The following FHIT variants were observed in gnomAD, a reference collection of about 807,000 sequenced individuals.
FHIT encodes the protein bis(5'-adenosyl)-triphosphatase.
In FHIT, 19 loss-of-function variants were observed where a neutral mutation model predicts 17.9. The observed-to-expected ratio is 1.06, with a 90% CI of 0.74 to 1.56. The LOEUF is 1.56. Among genes scored for constraint, FHIT ranks in the 40% most tolerant of loss-of-function variants. The probability of loss-of-function intolerance (pLI) is 0.00; values close to 1 mark genes in which losing one functional copy is unlikely to be tolerated. For synonymous variants in FHIT, 81 were observed against 69.7 expected, an observed-to-expected ratio of 1.16 and a Z score of -0.81; for missense variants, 248 against 189.2, an observed-to-expected ratio of 1.31 and a Z score of -1.82.
At chr3:60,914,492 T>A (rs1381447453) in intron 3 of FHIT, among the ~76,000 whole-genome samples, 1 of 148,936 alleles carries the variant, frequency 6.7e-6, no homozygotes, top group Non-Finnish European at 1.5e-5. Flanking sequence ...AAGACTTGCA[T>A]AGGAAAATGA....
At chr3:60,436,310 A>G (rs2107312883) in intron 5 of FHIT, among the ~76,000 whole-genome samples, 1 of 152,230 alleles carries the variant, frequency 6.6e-6, no homozygotes, top group African/African-American at 2.4e-5. Flanking sequence ...TCGGCCTCCC[A>G]AAGCACTAGA....
At chr3:60,504,065 A>C (rs1461666960) in intron 5 of FHIT, among the ~76,000 whole-genome samples, 3 of 152,172 alleles carry the variant, frequency 2.0e-5, no homozygotes. Context: ...AATGACCAGA[A>C]AAAAAGAATT....
At chr3:60,001,480 A>T (rs1401700979) in intron 7 of FHIT, among the ~76,000 whole-genome samples, 1 of 152,184 alleles carries the variant, frequency 6.6e-6, no homozygotes, top group Non-Finnish European at 1.5e-5. Context: ...GAAAAACATG[A>T]GTAGGCAGGA....
intron 7 of FHIT, among the ~76,000 whole-genome samples, chr3:59,946,952 A>G (rs1025392035): frequency 1.3e-5 from 2 of 152,178 alleles, no homozygotes; most frequent in Non-Finnish European, 2.9e-5. Flanking sequence ...ATGTTCATCA[A>G]AGATACTGGC....
At chr3:60,271,243 A>T (rs1706854116) in intron 5 of FHIT, among the ~76,000 whole-genome samples, 2 of 152,000 alleles carry the variant, frequency 1.3e-5, no homozygotes, top group African/African-American at 4.8e-5. Flanking sequence ...CTCCAAAAAA[A>T]ACTACAAAAA....
chr3:61,125,675 C>T (rs1316636535), intron 2 of FHIT, among the ~76,000 whole-genome samples: 1 of 152,110 alleles, frequency 6.6e-6, no homozygotes, highest in South Asian at 2.1e-4. Context: ...AACAATGAAA[C>T]AATTAGGTTT....
chr3:60,377,517 C>A (rs1455854495), intron 5 of FHIT, among the ~76,000 whole-genome samples: 1 of 136,810 alleles, frequency 7.3e-6, no homozygotes, highest in Non-Finnish European at 1.5e-5. Context: ...CTCTGTCGCC[C>A]AGGCCGGACT....
intron 5 of FHIT, among the ~76,000 whole-genome samples, chr3:60,442,454 G>A (rs4679538): frequency 0.17 from 26,110 of 152,082 alleles, 2,463 homozygotes; most frequent in Admixed American, 0.28. Context: ...TTTGTATAAG[G>A]TGTAAGGAAG....
intron 4 of FHIT, among the ~76,000 whole-genome samples, chr3:60,706,616 C>T (rs558560657): frequency 1.2e-4 from 18 of 152,050 alleles, no homozygotes; most frequent in African/African-American, 4.1e-4. Flanking sequence ...ACAGAGAAGG[C>T]GAAACACCAT....
intron 4 of FHIT, among the ~76,000 whole-genome samples, chr3:60,594,425 G>A (rs782093558): frequency 1.3e-4 from 20 of 152,036 alleles, no homozygotes; most frequent in Admixed American, 2.6e-4. Flanking sequence ...TGCAGCCATC[G>A]GCCCCAAATG....
intron 7 of FHIT, among the ~76,000 whole-genome samples, chr3:59,945,302 G>C (rs778578799): frequency 3.9e-5 from 6 of 152,118 alleles, no homozygotes; most frequent in Non-Finnish European, 4.4e-5. Flanking sequence ...TCATCTGCTT[G>C]TTGGCCTCAT....
At chr3:60,365,807 T>G (rs549885255) in intron 5 of FHIT, among the ~76,000 whole-genome samples, 16 of 152,178 alleles carry the variant, frequency 1.1e-4, no homozygotes, top group Non-Finnish European at 1.9e-4. Context: ...TTCAGTAACT[T>G]TAGTTAGCTC....
chr3:60,462,429 G>A (rs1050578751), intron 5 of FHIT, among the ~76,000 whole-genome samples: 8 of 152,116 alleles, frequency 5.3e-5, no homozygotes, highest in African/African-American at 1.7e-4. Context: ...AACACTGTAA[G>A]AACCCAAATG....
intron 5 of FHIT, among the ~76,000 whole-genome samples, chr3:60,317,551 T>C (rs561379653): frequency 2.0e-5 from 3 of 148,626 alleles, no homozygotes; most frequent in Non-Finnish European, 4.5e-5. Context: ...ATTGGAAATA[T>C]ATATACATAT....
intron 5 of FHIT, among the ~76,000 whole-genome samples, chr3:60,211,724 T>C (rs1051333768): frequency 6.6e-6 from 1 of 152,100 alleles, no homozygotes; most frequent in Non-Finnish European, 1.5e-5. Flanking sequence ...TGAGGTTTTG[T>C]TGGGGAAGGA....
intron 8 of FHIT, among the ~76,000 whole-genome samples, chr3:59,808,925 T>A (rs983680491): frequency 6.6e-6 from 1 of 152,002 alleles, no homozygotes; most frequent in African/African-American, 2.4e-5. Context: ...AGGAGAGGCA[T>A]TGTGCTTGAA....
intron 4 of FHIT, among the ~76,000 whole-genome samples, chr3:60,699,877 T>C (rs1230664533): frequency 7.9e-5 from 12 of 151,770 alleles, no homozygotes; most frequent in Non-Finnish European, 1.6e-4. Context: ...GGTACAGTGG[T>C]TCACACCTGT....
At chr3:60,906,608 C>T (rs1434778465) in intron 3 of FHIT, among the ~76,000 whole-genome samples, 3 of 152,122 alleles carry the variant, frequency 2.0e-5, no homozygotes, top group Admixed American at 2.0e-4. Context: ...TACTCCAGGA[C>T]ATACTCAAAG....
intron 5 of FHIT, among the ~76,000 whole-genome samples, chr3:60,533,010 A>G (rs1440683495): frequency 6.6e-6 from 1 of 152,216 alleles, no homozygotes; most frequent in Non-Finnish European, 1.5e-5. Context: ...ATTTTACATA[A>G]AGATGCCAAT....
Sources: allele counts gnomAD v4.1 joint callset (sites outside exome capture counted in the v4.1 genomes callset), GRCh38; gene constraint gnomAD v4.1.1; transcripts MANE v1.5; gene names NCBI Gene and HGNC (gene_info 2026-07-23, HGNC 2026-07-21).